The following DLGAP2 variants were observed in gnomAD, a reference collection of about 807,000 sequenced individuals.
DLGAP2 encodes DLG associated protein 2, also known as disks large-associated protein 2.
Under a neutral mutation model 100.3 loss-of-function variants are expected in DLGAP2, and 26 were observed. That is an observed-to-expected ratio of 0.26 (90% CI 0.19 to 0.36). The LOEUF (loss-of-function observed/expected upper bound fraction) is 0.36, where lower values mean the gene tolerates loss of function less well. Ranked by LOEUF, DLGAP2 falls within the 10% of genes least tolerant of loss-of-function variation. The pLI, the probability that DLGAP2 is intolerant of heterozygous loss-of-function variation, is 1.00. For synonymous variants in DLGAP2, 886 were observed against 630.1 expected (o/e 1.41, Z -6.08); for missense variants, 1,858 against 1,453.2 (o/e 1.28, Z -4.53).
intron 1 of DLGAP2, among the ~76,000 whole-genome samples, chr8:902,509 T>A (rs1798273851): frequency 7.1e-6 from 1 of 141,436 alleles, no homozygotes; most frequent in South Asian, 2.4e-4. Context: ...GTGCCCTGCG[T>A]GAGGGTGACT....
chr8:1,703,613 C>G lies in DLGAP2; in HGVS notation c.*2207C>G, dbSNP rs2472054. 3.7e-4 allele frequency: 56 copies of G among 152,300 alleles called. No homozygotes were observed. The highest frequency in any genetic ancestry group is 1.2e-3 in the African/African-American group (51 of 41,564). The allele number at this position is 152,300 out of a possible 1,614,324, so 9.4% of individuals were successfully genotyped here. The stretch of plus-strand genomic sequence containing the variant: ...AGGCCCGCCACCTCCTCACATTGGT[C>G]TATCTACTGGCAGCTGATACGTTTA... On this transcript the variant is annotated 3_prime_UTR_variant, in exon 15 of 15. Transcript: ENST00000637795.
intron 3 of DLGAP2, among the ~76,000 whole-genome samples, chr8:1,332,974 C>T (rs1257850336): frequency 6.6e-6 from 1 of 152,190 alleles, no homozygotes; most frequent in Non-Finnish European, 1.5e-5. Flanking sequence ...AAGCATGTGG[C>T]CGCCTCGTCA....
chr8:995,252 G>T (rs139006825), intron 2 of DLGAP2, among the ~76,000 whole-genome samples: 1 of 152,302 alleles, frequency 6.6e-6, no homozygotes, highest in Non-Finnish European at 1.5e-5. Context: ...GGTGAGGTTG[G>T]AAGTGTGTTG....
chr8:1,613,336 G>C (rs1480763988), intron 6 of DLGAP2, among the ~76,000 whole-genome samples: 5 of 148,340 alleles, frequency 3.4e-5, no homozygotes, highest in African/African-American at 7.5e-5. Context: ...GGTGGGAACT[G>C]AACAATTAGA....
intron 3 of DLGAP2, among the ~76,000 whole-genome samples, chr8:1,278,573 A>G (rs1799753209): frequency 1.3e-5 from 2 of 152,244 alleles, no homozygotes; most frequent in South Asian, 2.1e-4. Context: ...TAAAATTCAG[A>G]TTTTAATAAA....
intron 2 of DLGAP2, among the ~76,000 whole-genome samples, chr8:1,071,933 G>A (rs1803442789): frequency 6.6e-6 from 1 of 152,228 alleles, no homozygotes; most frequent in South Asian, 2.1e-4. Context: ...GTCTGGTTAA[G>A]TGGGTGGTTT....
chr8:1,481,070 G>T (rs548991988), intron 3 of DLGAP2, among the ~76,000 whole-genome samples: 1 of 152,090 alleles, frequency 6.6e-6, no homozygotes, highest in Non-Finnish European at 1.5e-5. Flanking sequence ...TACTTGGGAG[G>T]CTGAGGCAGG....
At chr8:1,499,669 T>G (rs1292656313) in intron 3 of DLGAP2, among the ~76,000 whole-genome samples, 2 of 152,230 alleles carry the variant, frequency 1.3e-5, no homozygotes, top group Non-Finnish European at 1.5e-5. Context: ...TGAGCTGTCT[T>G]GTAAGATACT....
intron 5 of DLGAP2, among the ~76,000 whole-genome samples, chr8:1,553,967 T>C (rs1183205580): frequency 1.1e-4 from 16 of 152,210 alleles, no homozygotes; most frequent in Admixed American, 1.0e-3. Flanking sequence ...CTCCCCTGTT[T>C]CTTGTCTCTA....
At chr8:911,096 G>C (rs1160406823) in intron 2 of DLGAP2, among the ~76,000 whole-genome samples, 2 of 152,138 alleles carry the variant, frequency 1.3e-5, no homozygotes, top group Admixed American at 1.3e-4. Flanking sequence ...CTGGGGCAAA[G>C]TGAACCCGTC....
intron 3 of DLGAP2, among the ~76,000 whole-genome samples, chr8:1,276,245 T>G (rs1267378510): frequency 6.6e-6 from 1 of 151,536 alleles, no homozygotes; most frequent in African/African-American, 2.4e-5. Context: ...GTTATATTTC[T>G]TTCATAACAA....
intron 1 of DLGAP2, among the ~76,000 whole-genome samples, chr8:800,644 A>G (rs28385389): frequency 0.25 from 38,026 of 151,840 alleles, 5,960 homozygotes; most frequent in African/African-American, 0.44. Context: ...GTGCATGTCT[A>G]TGTGTGCACA....
intron 1 of DLGAP2, among the ~76,000 whole-genome samples, chr8:741,291 C>G (rs1301076110): frequency 1.3e-5 from 2 of 152,204 alleles, no homozygotes; most frequent in East Asian, 3.8e-4. Flanking sequence ...CTGGTAGCCA[C>G]CTTTCCCTTC....
intron 2 of DLGAP2, among the ~76,000 whole-genome samples, chr8:1,063,734 GC>G (rs1803159452): frequency 1.3e-5 from 2 of 152,128 alleles, no homozygotes; most frequent in African/African-American, 4.8e-5. Context: ...ACTGAGCATG[GC>G]CAATAGGAAG....
At position 1,427,569 on chromosome 8, in the gene DLGAP2, C is replaced by G. The variant is rs554238927; in HGVS notation, c.107-73797C>G. 7.9e-4 allele frequency among the ~76,000 whole-genome samples: 121 copies of G among 152,326 alleles called. 1 individual carries two copies. Among genetic ancestry groups the G allele is most frequent in the Admixed American group, 2.2e-3 (33 of 15,296 alleles). On this transcript the variant is annotated intron_variant, in intron 3 of 14. Transcript: ENST00000637795. Reference sequence around the variant, plus strand: ...ATCTCATCTTGAATTGTAACTCCCACAATCCCCACATGTCATGGAAAGAGC... The same window carrying G: ...ATCTCATCTTGAATTGTAACTCCCAGAATCCCCACATGTCATGGAAAGAGC...
chr8:1,289,036 C>G (rs1031506381), intron 3 of DLGAP2, among the ~76,000 whole-genome samples: 21 of 152,138 alleles, frequency 1.4e-4, no homozygotes, highest in Non-Finnish European at 3.1e-4. Flanking sequence ...AATCTGTTTT[C>G]TTTTGACATT....
chr8:1,323,969 C>T (rs980614153), intron 3 of DLGAP2, among the ~76,000 whole-genome samples: 7 of 152,118 alleles, frequency 4.6e-5, no homozygotes, highest in African/African-American at 1.7e-4. Context: ...TAATGTGGCG[C>T]GTTTCGACAC....
At chr8:805,235 A>G (rs1428748409) in intron 1 of DLGAP2, among the ~76,000 whole-genome samples, 1 of 152,174 alleles carries the variant, frequency 6.6e-6, no homozygotes, top group East Asian at 1.9e-4. Context: ...GGTGATTAGG[A>G]TAAGGACTAC....
chr8:835,930 C>G (rs575430570), intron 1 of DLGAP2, among the ~76,000 whole-genome samples: 1 of 152,288 alleles, frequency 6.6e-6, no homozygotes, highest in Admixed American at 6.5e-5. Flanking sequence ...TCCATCCCTT[C>G]ATGTATCAAA....
Sources: gnomAD v4.1 joint callset for allele counts (sites outside exome capture counted in the v4.1 genomes callset) on GRCh38, gnomAD v4.1.1 for gene constraint, MANE v1.5 for transcripts, NCBI Gene and HGNC (gene_info 2026-07-23, HGNC 2026-07-21) for gene names.